SORCS1: variants seen among roughly 807,000 people sequenced by gnomAD.
The protein encoded by SORCS1 is VPS10 domain-containing receptor SorCS1.
A neutral mutation model predicts 146.1 loss-of-function variants in SORCS1; 60 were observed. The ratio of observed to expected loss-of-function variants is 0.41; its 90% CI spans 0.33 to 0.51. The LOEUF (loss-of-function observed/expected upper bound fraction) is 0.51. Among genes scored for constraint, SORCS1 ranks in the 20% least tolerant of loss-of-function variants. The pLI, the probability that SORCS1 is intolerant of heterozygous loss-of-function variation, is 0.21. For missense variants in SORCS1, 1,352 were observed against 1,487.6 expected (o/e 0.91, Z 1.50); for synonymous variants, 637 against 584.0 (o/e 1.09, Z -1.31).
chr10:106,916,456 A>C (rs1278452298), intron 2 of SORCS1, among the ~76,000 whole-genome samples: 1 of 148,646 alleles, frequency 6.7e-6, no homozygotes, highest in Non-Finnish European at 1.5e-5. Context: ...ATATGATTAT[A>C]TATTATGTAT....
At chr10:107,104,869 G>A (rs1246719408) in intron 1 of SORCS1, among the ~76,000 whole-genome samples, 1 of 152,206 alleles carries the variant, frequency 6.6e-6, no homozygotes, top group Non-Finnish European at 1.5e-5. Context: ...GAAACAAAGA[G>A]CTGGCAAGTG....
At chr10:106,751,058 C>CAAAAAAAAAAAAAAAAAAAAAAAAAAAA (rs35691571) in intron 5 of SORCS1, among the ~76,000 whole-genome samples, 1 of 22,430 alleles carries the variant, frequency 4.5e-5, no homozygotes, top group African/African-American at 1.3e-4. Context: ...GACTCCGTCT[C>CAAAAAAAAAAAAAAAAAAAAAAAAAAAA]AAAAAAAAAA....
intron 1 of SORCS1, among the ~76,000 whole-genome samples, chr10:107,026,921 C>T (rs1164929983): frequency 6.6e-6 from 1 of 151,458 alleles, no homozygotes; most frequent in Non-Finnish European, 1.5e-5. Flanking sequence ...GAGAGCATTG[C>T]TTAAAGGGAC....
chr10:106,770,141 C>T (rs1859905764), intron 4 of SORCS1, among the ~76,000 whole-genome samples: 1 of 152,140 alleles, frequency 6.6e-6, no homozygotes, highest in Admixed American at 6.6e-5. Context: ...CAGAACCTCC[C>T]TATCAAAGCC....
intron 1 of SORCS1, among the ~76,000 whole-genome samples, chr10:107,147,663 T>A (rs1031461107): frequency 1.3e-5 from 2 of 152,204 alleles, no homozygotes; most frequent in African/African-American, 4.8e-5. Flanking sequence ...GGTATATCAA[T>A]GCTGACCATT....
At chr10:106,721,148 A>G (rs1049702511) in intron 6 of SORCS1, among the ~76,000 whole-genome samples, 2 of 152,026 alleles carry the variant, frequency 1.3e-5, no homozygotes, top group African/African-American at 4.8e-5. Flanking sequence ...GGGATAGAAG[A>G]GAGGTGAGAA....
intron 3 of SORCS1, among the ~76,000 whole-genome samples, chr10:106,829,342 T>G (rs1411524392): frequency 6.6e-6 from 1 of 152,218 alleles, no homozygotes; most frequent in Non-Finnish European, 1.5e-5. Context: ...TCTTTGTAGC[T>G]GCCTTTTGGA....
intron 16 of SORCS1, 95 bp downstream of exon 16, chr10:106,671,142 A>T (rs1851567198): frequency 6.5e-7 from 1 of 1,541,100 alleles, no homozygotes; most frequent in Non-Finnish European, 8.8e-7. Flanking sequence ...ACTTAGCCCT[A>T]TGTATGTTAC....
At chr10:106,608,823 T>C (rs1193673461) in intron 22 of SORCS1, among the ~76,000 whole-genome samples, 2 of 152,182 alleles carry the variant, frequency 1.3e-5, no homozygotes, top group Non-Finnish European at 2.9e-5. Context: ...AGCTGCCATG[T>C]AGGCCCATGA....
intron 8 of SORCS1, among the ~76,000 whole-genome samples, chr10:106,703,313 T>C (rs909883957): frequency 1.3e-5 from 2 of 152,104 alleles, no homozygotes; most frequent in African/African-American, 4.8e-5. Flanking sequence ...TGCATCCTGG[T>C]CCACATCGAT....
At chr10:106,612,244 T>C (rs921395138) in intron 21 of SORCS1, among the ~76,000 whole-genome samples, 4 of 151,766 alleles carry the variant, frequency 2.6e-5, no homozygotes, top group Non-Finnish European at 4.4e-5. Context: ...AGAAAGAAGG[T>C]AGAAGAAAGA....
intron 1 of SORCS1, among the ~76,000 whole-genome samples, chr10:106,974,373 G>C (rs575841472): frequency 6.6e-6 from 1 of 152,330 alleles, no homozygotes; most frequent in South Asian, 2.1e-4. Flanking sequence ...TAGCCAAAAG[G>C]CTGGAAAATG....
Position 106,611,927 on chromosome 10 carries a change from T to C in SORCS1, c.3017A>G (p.Lys1006Arg). 3 of 1,614,016 alleles carry C rather than the reference T, an allele frequency of 1.9e-6. No individual in the cohort carries two copies. The highest frequency in any genetic ancestry group is 2.5e-6 in the Non-Finnish European group (3 of 1,179,902). Residue 1006 changes from lysine (K) to arginine (R), a missense_variant, in exon 22 of 26, where the codon AAA becomes AGA. Lys to Arg is a conservative substitution (Grantham distance 26). This residue lies in a region of SORCS1 where 214 missense variants were observed against 204.8 expected (regional missense o/e 1.05). Coordinates refer to ENST00000263054, the MANE Select transcript of SORCS1 (RefSeq NM_052918.5). ...TGCACTCACTTCCACCAGGGATTTT[T>C]TGATGACTCGACCGATGTCCCTCCT... is the stretch of plus-strand genomic sequence containing the variant. Reference protein sequence around the residue: ...EWRRDIGRVIKKSLVEATGVP... With the variant: ...EWRRDIGRVIRKSLVEATGVP...
chr10:107,079,023 A>G (rs1963114949), intron 1 of SORCS1, among the ~76,000 whole-genome samples: 1 of 152,232 alleles, frequency 6.6e-6, no homozygotes, highest in East Asian at 1.9e-4. Context: ...CAGGAGATCG[A>G]GACCATCCTG....
chr10:107,171,924 T>A, the SORCS1 span, among the ~76,000 whole-genome samples: 1 of 152,086 alleles, frequency 6.6e-6, no homozygotes, highest in Non-Finnish European at 1.5e-5. Flanking sequence ...GTTGAAAAAC[T>A]GTTATTAGGA....
chr10:106,831,047 G>C (rs1408906688), intron 2 of SORCS1, among the ~76,000 whole-genome samples: 1 of 152,020 alleles, frequency 6.6e-6, no homozygotes, highest in Non-Finnish European at 1.5e-5. Context: ...ACAAAAATTA[G>C]CCAAGCATGG....
intron 6 of SORCS1, among the ~76,000 whole-genome samples, chr10:106,718,167 A>C (rs1855517153): frequency 6.6e-6 from 1 of 152,200 alleles, no homozygotes. Flanking sequence ...AGAGAATGTG[A>C]GATGTGTTTG....
intron 5 of SORCS1, among the ~76,000 whole-genome samples, chr10:106,733,183 T>A (rs1257878620): frequency 6.6e-6 from 1 of 151,930 alleles, no homozygotes; most frequent in Non-Finnish European, 1.5e-5. Flanking sequence ...GAGTTCTCTG[T>A]TCTCCCCAAA....
At position 106,652,368 on chromosome 10, in the gene SORCS1, G is replaced by T. The variant is rs1163985468; in HGVS notation, c.2475+14C>A. ...GGCCCTAGAAAGTAGGGGGGAGATA[G>T]GAATCAGTCCTACCTCTTCTAATTG... On this transcript the variant is annotated intron_variant, in intron 18 of 25. Transcript: ENST00000263054. 31 of 1,589,074 alleles carry T rather than the reference G, an allele frequency of 2.0e-5. 1 individual carries two copies. Among genetic ancestry groups the T allele is most frequent in the Non-Finnish European group, 2.5e-5 (29 of 1,161,262 alleles).
Sources: gnomAD v4.1 joint callset for allele counts (sites outside exome capture counted in the v4.1 genomes callset) on GRCh38, gnomAD v4.1.1 for gene constraint, gnomAD v4.1.1 regional missense constraint, MANE v1.5 for transcripts, NCBI Gene and HGNC (gene_info 2026-07-23, HGNC 2026-07-21) for gene names.